The following NOL4L variants were observed in gnomAD, a reference collection of about 807,000 sequenced individuals.
NOL4L encodes nucleolar protein 4 like.
In NOL4L, 7 loss-of-function variants were observed where a neutral mutation model predicts 64.5. The observed-to-expected ratio is 0.11, with a 90% confidence interval of 0.06 to 0.20. The LOEUF is 0.20. Among genes scored for constraint, NOL4L ranks in the 10% least tolerant of loss-of-function variants. The probability of loss-of-function intolerance (pLI) is 1.00; values close to 1 mark genes in which losing one functional copy is unlikely to be tolerated. For synonymous variants in NOL4L, 413 were observed against 401.0 expected, an observed-to-expected ratio of 1.03 and a Z score of -0.36; for missense variants, 680 against 967.1, an observed-to-expected ratio of 0.70 and a Z score of 3.94.
At chr20:32,542,290 G>A (rs2018668462) in intron 1 of NOL4L, among the ~76,000 whole-genome samples, 1 of 152,246 alleles carries the variant, frequency 6.6e-6, no homozygotes, top group African/African-American at 2.4e-5. Context: ...CATGACATTT[G>A]AGAGCATGAC....
rs763366648 is a variant in NOL4L at position 32,452,226 on chromosome 20, C to T, written c.1822+10G>A. 4 of 1,519,038 alleles carry T rather than the reference C, an allele frequency of 2.6e-6. No homozygotes were observed. Among genetic ancestry groups the T allele is most frequent in the Non-Finnish European group, 8.9e-7 (1 of 1,128,412 alleles). The allele number at this position is 1,519,038 out of a possible 1,614,324, so 94.1% of individuals were successfully genotyped here. Reference sequence around the variant, plus strand: ...TCGGGAAGCCAGAGCCCAGGCCTCCCCCGACTCACCATTACTGTGGTTTCC... The same window carrying T: ...TCGGGAAGCCAGAGCCCAGGCCTCCTCCGACTCACCATTACTGTGGTTTCC... On this transcript the variant is annotated intron_variant, in intron 10 of 10. Transcript: ENST00000621426.
chr20:32,457,668 A>G lies in NOL4L; in HGVS notation c.842-1273T>C, dbSNP rs1349978093. Among the ~76,000 whole-genome samples the G allele has an allele frequency of 2.0e-5, 3 of 152,256 alleles. No individual in the cohort carries two copies. The East Asian group carries it at 5.8e-4, about 29-fold the overall frequency. ...GGGGGATGGGAGGCCACGGCGGCGC[A>G]GTGCACCCCTCCCCCTCGGCTGCAG... On this transcript the variant is annotated intron_variant, in intron 5 of 10. Transcript: ENST00000621426.
chr20:32,506,496 T>C (rs1245174493), intron 4 of NOL4L, among the ~76,000 whole-genome samples: 1 of 152,082 alleles, frequency 6.6e-6, no homozygotes, highest in Non-Finnish European at 1.5e-5. Flanking sequence ...ACCCCATCTC[T>C]ACTAAAAATA....
chr20:32,449,596 TGA>T (rs1427885614), intron 10 of NOL4L, among the ~76,000 whole-genome samples: 1 of 152,178 alleles, frequency 6.6e-6, no homozygotes, highest in East Asian at 1.9e-4. Flanking sequence ...TCCTTGGAAT[TGA>T]GAGTTAAGGA....
In NOL4L at chr20:32,464,608, G is replaced by A. The variant is rs1041651486; in HGVS notation, c.842-8213C>T. Among the ~76,000 whole-genome samples the A allele has an allele frequency of 1.4e-4, 22 of 152,326 alleles. No homozygotes were observed. The highest frequency in any genetic ancestry group is 7.2e-4 in the Admixed American group (11 of 15,310). Reference sequence around the variant, plus strand: ...CCTCTGCGTGTGCCCCTCAGTGCCCGGGCAGTGGGCGTTCCTGCTGAAACT... The same window carrying A: ...CCTCTGCGTGTGCCCCTCAGTGCCCAGGCAGTGGGCGTTCCTGCTGAAACT... On this transcript the variant is annotated intron_variant, in intron 5 of 10. Transcript: ENST00000621426. This position sits in a 1 kb window ranked among gnomAD's most constrained non-coding sequence, Gnocchi z 5.6.
At chr20:32,473,885 C>T (rs1389976539) in intron 5 of NOL4L, among the ~76,000 whole-genome samples, 6 of 152,210 alleles carry the variant, frequency 3.9e-5, no homozygotes, top group Non-Finnish European at 7.4e-5. Flanking sequence ...GCTCACAGGG[C>T]CACCTCACAA....
At chr20:32,511,024 G>A (rs1215748615) in intron 4 of NOL4L, among the ~76,000 whole-genome samples, 3 of 152,268 alleles carry the variant, frequency 2.0e-5, no homozygotes, top group East Asian at 3.9e-4. Flanking sequence ...ATAAAGGGCA[G>A]AGCAGAGAAA....
intron 1 of NOL4L, among the ~76,000 whole-genome samples, chr20:32,557,120 G>A (rs1249358101): frequency 2.0e-5 from 3 of 152,318 alleles, no homozygotes; most frequent in Admixed American, 1.3e-4. Context: ...TGTGAAACCC[G>A]TAACACAGAG....
At chr20:32,489,379 G>A (rs1296648302) in intron 4 of NOL4L, among the ~76,000 whole-genome samples, 1 of 151,532 alleles carries the variant, frequency 6.6e-6, no homozygotes, top group Non-Finnish European at 1.5e-5. Flanking sequence ...TTTTGAAACA[G>A]GGTCTCACTC....
At chr20:32,491,211 G>GT (rs1429055812) in intron 4 of NOL4L, among the ~76,000 whole-genome samples, 4 of 152,220 alleles carry the variant, frequency 2.6e-5, no homozygotes, top group African/African-American at 9.7e-5. Context: ...GTCATGGGCG[G>GT]TGTATTCCAG....
At chr20:32,580,958 A>G (rs1313850758) in intron 1 of NOL4L, among the ~76,000 whole-genome samples, 2 of 152,254 alleles carry the variant, frequency 1.3e-5, no homozygotes, top group South Asian at 4.1e-4. Flanking sequence ...TTTGTGGCCA[A>G]TGCCGGAACG....
In NOL4L at chr20:32,489,130, T is replaced by C. The variant is rs537393074; in HGVS notation, c.700-14388A>G. Among the ~76,000 whole-genome samples the C allele has an allele frequency of 2.6e-5, 4 of 151,428 alleles. No homozygotes were observed. The South Asian group carries it at 6.2e-4, about 24-fold the overall frequency. The stretch of plus-strand genomic sequence containing the variant: ...TTACATTTTTATATCATCTGATTTT[T>C]TTTTTTTCCTTTAGGGCTTTAGGGC... On this transcript the variant is annotated intron_variant, in intron 4 of 10. Coordinates refer to ENST00000621426, the MANE Select transcript of NOL4L (RefSeq NM_001256798.2).
chr20:32,453,150 C>A lies in NOL4L; in HGVS notation c.1498-144G>T, dbSNP rs1270185608. ...TATGGAGCTGTGTGATCTTTCTGGG[C>A]CTTAGTTCCCTCATTTGCAAACCAG... On this transcript the variant is annotated intron_variant, in intron 8 of 10. Coordinates refer to ENST00000621426, the MANE Select transcript of NOL4L (RefSeq NM_001256798.2). This position sits in a 1 kb window ranked among gnomAD's most constrained non-coding sequence, Gnocchi z 5.6. The A allele has an allele frequency of 5.0e-6, 7 of 1,414,044 alleles. No homozygotes were observed. Among genetic ancestry groups the A allele is most frequent in the South Asian group, 1.3e-5 (1 of 75,820 alleles). 87.6% of individuals were successfully genotyped at this position (1,414,044 alleles called of 1,614,324 possible).
intron 1 of NOL4L, chr20:32,533,283 A>G (rs2018408969): frequency 6.6e-6 from 1 of 152,248 alleles, no homozygotes; most frequent in Non-Finnish European, 1.5e-5. Context: ...TGATATTTCA[A>G]AATATTACAG....
At chr20:32,497,266 C>G (rs1183747893) in intron 4 of NOL4L, among the ~76,000 whole-genome samples, 1 of 131,840 alleles carries the variant, frequency 7.6e-6, no homozygotes, top group Non-Finnish European at 1.6e-5. Context: ...AGTCAGGTCT[C>G]CTGGAGCTGC....
chr20:32,457,874 C>T (rs1224151710), intron 5 of NOL4L, among the ~76,000 whole-genome samples: 2 of 152,184 alleles, frequency 1.3e-5, no homozygotes, highest in Non-Finnish European at 2.9e-5. Context: ...AGCCTACTCG[C>T]GCCCAGTCTG....
At chr20:32,529,439 T>C (rs1389693938) in intron 1 of NOL4L, among the ~76,000 whole-genome samples, 1 of 152,210 alleles carries the variant, frequency 6.6e-6, no homozygotes, top group African/African-American at 2.4e-5. Context: ...GGCTGGTGGA[T>C]GGCACAGATG....
chr20:32,505,848 A>T (rs1600779843), intron 4 of NOL4L, among the ~76,000 whole-genome samples: 1 of 152,254 alleles, frequency 6.6e-6, no homozygotes, highest in Non-Finnish European at 1.5e-5. Context: ...CCAACTGCAC[A>T]GAGAGAAAGC....
At chr20:32,545,358 C>A (rs1157546165) in intron 1 of NOL4L, among the ~76,000 whole-genome samples, 10 of 152,198 alleles carry the variant, frequency 6.6e-5, no homozygotes, top group Admixed American at 6.5e-4. Context: ...ATGTTGACAA[C>A]CCCAAGCCCC....
Sources: allele counts gnomAD v4.1 joint callset (sites outside exome capture counted in the v4.1 genomes callset), GRCh38; gene constraint gnomAD v4.1.1; non-coding constraint Gnocchi (gnomAD v3.1); transcripts MANE v1.5; gene names NCBI Gene and HGNC (gene_info 2026-07-23, HGNC 2026-07-21).